DYRK1A: variants seen among roughly 807,000 people sequenced by gnomAD.
DYRK1A encodes dual specificity tyrosine-phosphorylation-regulated kinase 1A.
DYRK1A carries 9 observed loss-of-function variants against 79.7 expected under a neutral mutation model. The ratio of observed to expected loss-of-function variants is 0.11; its 90% CI spans 0.07 to 0.20. The LOEUF (loss-of-function observed/expected upper bound fraction) is 0.20. Ranked by LOEUF, DYRK1A falls within the 10% of genes least tolerant of loss-of-function variation. DYRK1A has a pLI of 1.00. For synonymous variants in DYRK1A, 349 were observed against 329.7 expected (o/e 1.06, Z -0.63); for missense variants, 622 against 956.0 (o/e 0.65, Z 4.61).
Position 37,512,110 on chromosome 21 carries a change from T to C in DYRK1A, c.1844T>C (p.Leu615Ser). ...CACCACCACCATGGACAACAAGCCT[T>C]GGGTAACCGGACCAGGCCAAGGGTC... ...HHHHHHGQQA[L>S]GNRTRPRVYN... Residue 615 changes from leucine (L) to serine (S), a missense_variant, in exon 12 of 12, where the codon TTG (leucine) becomes TCG (serine). This residue lies in a region of DYRK1A where 292 missense variants were observed against 316.7 expected (regional missense o/e 0.92). Coordinates refer to ENST00000647188, the MANE Select transcript of DYRK1A (RefSeq NM_001347721.2). 6.2e-7 allele frequency: 1 copy of C among 1,614,136 alleles called. No individual in the cohort carries two copies. The highest frequency in any genetic ancestry group is 8.5e-7 in the Non-Finnish European group (1 of 1,180,022).
intron 1 of DYRK1A, among the ~76,000 whole-genome samples, chr21:37,403,648 A>ATAT (rs1407168361): frequency 1.2e-4 from 10 of 84,592 alleles, no homozygotes; most frequent in Non-Finnish European, 1.7e-4. Context: ...AAAAAAAAAA[A>ATAT]ATATATATAT....
chr21:37,490,122 ACT>A, intron 6 of DYRK1A, 51 bp from the exon 7 acceptor site: 1 of 1,512,164 alleles, frequency 6.6e-7, no homozygotes. Flanking sequence ...TGTGTTTGTT[ACT>A]CTCAGTTTAT....
intron 2 of DYRK1A, among the ~76,000 whole-genome samples, chr21:37,465,419 T>C (rs756138473): frequency 4.6e-5 from 7 of 152,256 alleles, no homozygotes; most frequent in Non-Finnish European, 7.3e-5. Context: ...GTGTATTGTT[T>C]AGATAGACTA....
intron 8 of DYRK1A, among the ~76,000 whole-genome samples, chr21:37,493,988 T>A (rs1272055312): frequency 7.0e-6 from 1 of 141,880 alleles, no homozygotes; most frequent in East Asian, 2.1e-4. Context: ...TCACTCAGGC[T>A]GGAGTATAGT....
At chr21:37,448,034 T>A (rs529641551) in intron 2 of DYRK1A, among the ~76,000 whole-genome samples, 342 of 152,350 alleles carry the variant, frequency 2.2e-3, no homozygotes, top group Non-Finnish European at 3.4e-3. Context: ...TTTCCCCCTC[T>A]GAGTATTAAC....
chr21:37,440,429 G>A (rs1242197860), intron 2 of DYRK1A, among the ~76,000 whole-genome samples: 2 of 151,946 alleles, frequency 1.3e-5, no homozygotes, highest in African/African-American at 2.4e-5. Flanking sequence ...GAGCCACTGC[G>A]CCCAGCTTCA....
intron 1 of DYRK1A, among the ~76,000 whole-genome samples, chr21:37,387,743 G>A (rs1275170186): frequency 6.6e-6 from 1 of 152,186 alleles, no homozygotes; most frequent in African/African-American, 2.4e-5. Context: ...GTACATGGGA[G>A]GCTAATTTTT....
intron 2 of DYRK1A, among the ~76,000 whole-genome samples, chr21:37,433,718 G>A (rs961295119): frequency 1.3e-5 from 2 of 151,970 alleles, no homozygotes; most frequent in East Asian, 1.9e-4. Context: ...TGATAGTATC[G>A]TGAATGATCC....
intron 1 of DYRK1A, among the ~76,000 whole-genome samples, chr21:37,368,501 C>T (rs2049363658): frequency 6.6e-6 from 1 of 152,212 alleles, no homozygotes; most frequent in South Asian, 2.1e-4. Context: ...CCCTAGGTGA[C>T]ACGAATCCCA....
Position 37,478,259 on chromosome 21 carries a change from C to G in DYRK1A, c.259C>G (p.Leu87Val), listed in dbSNP as rs1449066523. Residue 87 changes from leucine to valine, a missense_variant, in exon 4 of 12, where the codon CTT (leucine) becomes GTT (valine). Transcript: ENST00000647188. ...CCCAGCAACTGCTCCCCTGAGAAAA[C>G]TTTCTGTTGACTTGATCAAAACATA... ...RDPATAPLRKLSVDLIKTYKH... is the reference protein window; with the variant it reads ...RDPATAPLRKVSVDLIKTYKH... The G allele has an allele frequency of 6.2e-7, 1 of 1,613,946 alleles. No individual in the cohort carries two copies. Among genetic ancestry groups the G allele is most frequent in the African/African-American group, 1.3e-5 (1 of 74,930 alleles).
At chr21:37,504,341 T>G (rs2053534809) in intron 9 of DYRK1A, 1 of 152,262 alleles carries the variant, frequency 6.6e-6, no homozygotes, top group Non-Finnish European at 1.5e-5. Flanking sequence ...CAGAAGTTGG[T>G]TCAGACTTGG....
intron 9 of DYRK1A, chr21:37,503,078 G>GTTCGACTA (rs1555989927): frequency 6.6e-6 from 1 of 151,666 alleles, no homozygotes; most frequent in African/African-American, 2.4e-5. Context: ...GATTTCCGCA[G>GTTCGACTA]TTTGACTATT....
intron 1 of DYRK1A, among the ~76,000 whole-genome samples, chr21:37,397,460 T>C (rs1382269693): frequency 6.6e-6 from 1 of 152,178 alleles, no homozygotes; most frequent in African/African-American, 2.4e-5. Flanking sequence ...TAATTAAAAG[T>C]CCAGTGAAGA....
Position 37,512,563 on chromosome 21 carries a change from G to A in DYRK1A, c.*32G>A. ...TGAAACTTGAGTTTGTTTCTTGTGT[G>A]TTTTTATAGAAGTGGTGTTTTTTTT... On this transcript the variant is annotated 3_prime_UTR_variant, in exon 12 of 12. Transcript: ENST00000647188. 6.3e-7 allele frequency: 1 copy of A among 1,593,802 alleles called. No individual in the cohort carries two copies.
chr21:37,489,353 C>T (rs148560024), intron 6 of DYRK1A, among the ~76,000 whole-genome samples: 75 of 152,164 alleles, frequency 4.9e-4, no homozygotes, highest in Middle Eastern at 3.4e-3. Flanking sequence ...TCTGATGTGA[C>T]GTCAGTGTTA....
intron 2 of DYRK1A, among the ~76,000 whole-genome samples, chr21:37,421,382 G>T (rs2148429136): frequency 6.6e-6 from 1 of 152,114 alleles, no homozygotes; most frequent in East Asian, 1.9e-4. Context: ...TTAAAAAATT[G>T]TTTCGGTGTA....
intron 2 of DYRK1A, among the ~76,000 whole-genome samples, chr21:37,431,362 G>A (rs1159310464): frequency 2.0e-5 from 3 of 152,150 alleles, no homozygotes; most frequent in Non-Finnish European, 4.4e-5. Flanking sequence ...TTAAGAGCTG[G>A]GTGGCCTTCC....
At chr21:37,410,767 GC>G (rs2050227654) in intron 1 of DYRK1A, 2 of 152,276 alleles carry the variant, frequency 1.3e-5, no homozygotes, top group African/African-American at 4.8e-5. Flanking sequence ...AAGACAGTTG[GC>G]TGGGCACTGT....
At chr21:37,388,307 ACT>A (rs930728374) in intron 1 of DYRK1A, among the ~76,000 whole-genome samples, 9 of 150,080 alleles carry the variant, frequency 6.0e-5, no homozygotes, top group Admixed American at 1.3e-4. Flanking sequence ...TGGTCTCAAA[ACT>A]CTGGGCTCAA....
Sources: allele counts gnomAD v4.1 joint callset (sites outside exome capture counted in the v4.1 genomes callset), GRCh38; gene constraint gnomAD v4.1.1; regional missense constraint gnomAD v4.1.1; transcripts MANE v1.5; gene names NCBI Gene and HGNC (gene_info 2026-07-23, HGNC 2026-07-21).